The following NEUROG2 variants were observed in gnomAD, a reference collection of about 807,000 sequenced individuals.
The protein encoded by NEUROG2 is neurogenin 2.
A neutral mutation model predicts 2.8 loss-of-function variants in NEUROG2; 1 was observed. The observed-to-expected ratio is 0.36, with a 90% CI of 0.13 to 1.71. The LOEUF is 1.71. Among genes scored for constraint, NEUROG2 ranks in the 40% most tolerant of loss-of-function variants. The pLI, the probability that NEUROG2 is intolerant of heterozygous loss-of-function variation, is 0.34. For missense variants in NEUROG2, 397 were observed against 392.7 expected (o/e 1.01, Z -0.09); for synonymous variants, 211 against 187.7 (o/e 1.12, Z -1.01).
In NEUROG2 at chr4:112,513,610, A is replaced by G. The variant is rs1736358700; in HGVS notation, c.*1047T>C. The G allele has an allele frequency of 6.5e-6, 1 of 152,678 alleles. No individual in the cohort carries two copies. The highest frequency in any genetic ancestry group is 2.4e-5 in the African/African-American group (1 of 41,466). The allele number at this position is 152,678 out of a possible 1,614,324, so 9.5% of individuals were successfully genotyped here. ...TACATACTAGAATAAACTCTGTAGA[A>G]TATACAAAAAATACATATTTTCCCA... On this transcript the variant is annotated 3_prime_UTR_variant, in exon 2 of 2. Coordinates refer to ENST00000313341, the MANE Select transcript of NEUROG2 (RefSeq NM_024019.4).
In NEUROG2 at chr4:112,515,311, G is replaced by T; in HGVS notation, c.165C>A (p.Arg55=). Residue 55 remains arginine (R), a synonymous_variant, in exon 2 of 2, where the codon CGC becomes CGA. Transcript: ENST00000313341. ...PGASGGARRQ[R]GAEAGQGARG... is the part of the protein sequence containing the mutation. ...GCGCCCCCTGCCCGGCCTCAGCCCC[G>T]CGCTGCCGACGCGCCCCGCCTGACG... is the stretch of plus-strand genomic sequence containing the variant. The T allele has an allele frequency of 4.2e-6, 6 of 1,412,856 alleles. No homozygotes were observed. The highest frequency in any genetic ancestry group is 5.5e-6 in the Non-Finnish European group (6 of 1,091,642). 87.5% of individuals were successfully genotyped at this position (1,412,856 alleles called of 1,614,324 possible).
chr4:112,514,389 G>A lies in NEUROG2; in HGVS notation c.*268C>T. The A allele has an allele frequency of 2.7e-6, 1 of 376,560 alleles. No homozygotes were observed. The highest frequency in any genetic ancestry group is 4.7e-6 in the Non-Finnish European group (1 of 213,266). The allele number at this position is 376,560 out of a possible 1,614,324, so 23.3% of individuals were successfully genotyped here. The stretch of plus-strand genomic sequence containing the variant: ...ATCATCTCTTCCCAGGGTCTTTTTC[G>A]TCTCAAGAAGCGCCCCCAAAACGCC... On this transcript the variant is annotated 3_prime_UTR_variant, in exon 2 of 2. Coordinates refer to ENST00000313341, the MANE Select transcript of NEUROG2 (RefSeq NM_024019.4).
Position 112,514,880 on chromosome 4 carries a change from G to A in NEUROG2, c.596C>T (p.Ala199Val). ...AVLLSPGGASAALSSSGDSPS... is the reference protein window; with the variant it reads ...AVLLSPGGASVALSSSGDSPS... ...GCTGTCTCCGCTGCTGCTCAGGGCG[G>A]CGCTGGCTCCTCCCGGGCTCAGCAA... The change falls in exon 2 of 2, where the codon GCC becomes GTC. Residue 199 changes from alanine (A) to valine (V), a missense_variant. Ala to Val is a moderately conservative substitution (Grantham distance 64). Transcript: ENST00000313341. The A allele has an allele frequency of 5.6e-6, 9 of 1,601,500 alleles. No homozygotes were observed. The highest frequency in any genetic ancestry group is 7.7e-6 in the Non-Finnish European group (9 of 1,175,990).
chr4:112,514,679 G>T lies in NEUROG2; in HGVS notation c.797C>A (p.Pro266His), dbSNP rs755271672. The T allele has an allele frequency of 1.2e-5, 18 of 1,509,506 alleles. No individual in the cohort carries two copies. The highest frequency in any genetic ancestry group is 2.3e-5 in the Admixed American group (1 of 43,296). The allele number at this position is 1,509,506 out of a possible 1,614,324, so 93.5% of individuals were successfully genotyped here. The change falls in exon 2 of 2, where the codon CCC becomes CAC. Residue 266 changes from proline (P) to histidine (H), a missense_variant. Transcript: ENST00000313341. ...GCTCTAGATACAATCCCTGGCTATG[G>T]GGAGGTGAGGTGCATAGCGGTGCTT... ...PDKHRYAPHL[P>H]IARDCI
Position 112,514,800 on chromosome 4 carries a change from CGGA to C in NEUROG2, c.673_675del (p.Ser225del), listed in dbSNP as rs757359761. On this transcript the variant is annotated inframe_deletion, in exon 2 of 2. Transcript: ENST00000313341. The stretch of plus-strand genomic sequence containing the variant: ...TAGGGGGAGGTGGAATTGGAGGACA[CGGA>C]GGAGGACGGCGCGGGGCTGTTGGTG... The C allele has an allele frequency of 2.6e-6, 4 of 1,560,480 alleles. No homozygotes were observed. Among genetic ancestry groups the C allele is most frequent in the Non-Finnish European group, 3.5e-6 (4 of 1,159,116 alleles).
chr4:112,515,181 C>T lies in NEUROG2; in HGVS notation c.295G>A (p.Gly99Ser), dbSNP rs1243471489. 1.2e-6 allele frequency: 2 copies of T among 1,612,384 alleles called. No individual in the cohort carries two copies. Among genetic ancestry groups the T allele is most frequent in the African/African-American group, 1.3e-5 (1 of 74,914 alleles). The change falls in exon 2 of 2, where the codon GGC becomes AGC. Residue 99 changes from glycine (G) to serine (S), a missense_variant. By Grantham distance (56) the Gly-to-Ser change is moderately conservative. Transcript: ENST00000313341. ...RPSRARAVSR[G>S]AKTAETVQRI... Reference sequence around the variant, plus strand: ...TGCACCGTCTCGGCCGTCTTGGCGCCTCGGGAGACGGCCCGCGCCCGGGAA... The same window carrying T: ...TGCACCGTCTCGGCCGTCTTGGCGCTTCGGGAGACGGCCCGCGCCCGGGAA...
Position 112,513,660 on chromosome 4 carries a change from G to GTTTTC in NEUROG2, c.*996_*997insGAAAA. ...ATGAAAAATTTCTTTATAATAAATAGAAGGGAACACGTGTGTGGCTGATCC... is the reference window on the plus strand; with the variant it reads ...ATGAAAAATTTCTTTATAATAAATAGTTTTCAAGGGAACACGTGTGTGGCTGATCC... On this transcript the variant is annotated 3_prime_UTR_variant, in exon 2 of 2. Transcript: ENST00000313341. The GTTTTC allele has an allele frequency of 6.6e-6, 1 of 152,538 alleles. No homozygotes were observed. Among genetic ancestry groups the GTTTTC allele is most frequent in the Admixed American group, 6.6e-5 (1 of 15,264 alleles). The allele number at this position is 152,538 out of a possible 1,614,324, so 9.4% of individuals were successfully genotyped here.
chr4:112,515,566 CGCACCCGA>C (rs1736422812), intron 1 of NEUROG2, 90 bp from the exon 2 acceptor site: 2 of 1,183,440 alleles, frequency 1.7e-6, no homozygotes, highest in Non-Finnish European at 2.3e-6. Context: ...TGCTCCGGCG[CGCACCCGA>C]GAAGACCAGC....
Position 112,515,071 on chromosome 4 carries a change from C to T in NEUROG2, c.405G>A (p.Leu135=), listed in dbSNP as rs371143539. The T allele has an allele frequency of 4.8e-5, 77 of 1,614,034 alleles. No individual in the cohort carries two copies. The African/African-American group carries it at 9.3e-4, about 20-fold the overall frequency. ...MHNLNAALDA[L]REVLPTFPED... The stretch of plus-strand genomic sequence containing the variant: ...CGGGGAACGTGGGGAGCACCTCGCG[C>T]AGCGCGTCCAGTGCCGCGTTGAGGT... The change falls in exon 2 of 2, where the codon CTG becomes CTA. Residue 135 remains leucine, a synonymous_variant. Coordinates refer to ENST00000313341, the MANE Select transcript of NEUROG2 (RefSeq NM_024019.4).
Position 112,515,075 on chromosome 4 carries a change from G to T in NEUROG2, c.401C>A (p.Ala134Glu), listed in dbSNP as rs1400053946. 2.9e-5 allele frequency: 46 copies of T among 1,614,022 alleles called. No homozygotes were observed. In the East Asian group the frequency reaches 1.0e-3, roughly 35 times the overall value. Residue 134 changes from alanine to glutamate, a missense_variant, in exon 2 of 2, where the codon GCG (alanine) becomes GAG (glutamate). Coordinates refer to ENST00000313341, the MANE Select transcript of NEUROG2 (RefSeq NM_024019.4). ...GAACGTGGGGAGCACCTCGCGCAGC[G>T]CGTCCAGTGCCGCGTTGAGGTTGTG... Reference protein sequence around the residue: ...RMHNLNAALDALREVLPTFPE... With the variant: ...RMHNLNAALDELREVLPTFPE...
intron 1 of NEUROG2, 97 bp from the exon 2 acceptor site, chr4:112,515,573 G>A: frequency 1.9e-6 from 2 of 1,053,820 alleles, no homozygotes; most frequent in East Asian, 3.0e-5. Flanking sequence ...GCGCGCACCC[G>A]AGAAGACCAG....
Position 112,515,412 on chromosome 4 carries a change from A to T in NEUROG2, c.64T>A (p.Ser22Thr), listed in dbSNP as rs1736415505. 6.6e-7 allele frequency: 1 copy of T among 1,526,316 alleles called. No homozygotes were observed. Among genetic ancestry groups the T allele is most frequent in the Non-Finnish European group, 8.7e-7 (1 of 1,148,214 alleles). 94.5% of individuals were successfully genotyped at this position (1,526,316 alleles called of 1,614,324 possible). Residue 22 changes from serine to threonine, a missense_variant, in exon 2 of 2, where the codon TCG becomes ACG. Coordinates refer to ENST00000313341, the MANE Select transcript of NEUROG2 (RefSeq NM_024019.4). ...EEEDVLVLLGSASPALAALTP... is the reference protein window; with the variant it reads ...EEEDVLVLLGTASPALAALTP... ...AGGGCCGCCAAGGCGGGGGAGGCCGATCCGAGCAGCACTAACACGTCCTCT... is the reference window on the plus strand; with the variant it reads ...AGGGCCGCCAAGGCGGGGGAGGCCGTTCCGAGCAGCACTAACACGTCCTCT...
At chr4:112,515,518 G>A (rs897704010) in intron 1 of NEUROG2, 42 bp from the exon 2 acceptor site, 2 of 1,467,434 alleles carry the variant, frequency 1.4e-6, no homozygotes, top group Non-Finnish European at 1.8e-6. Flanking sequence ...GAGGTGTAAG[G>A]AAAGAAACAG....
In NEUROG2 at chr4:112,515,062, C is replaced by A; in HGVS notation, c.414G>T (p.Val138=). The change falls in exon 2 of 2, where the codon GTG becomes GTT. Residue 138 remains valine (V), a synonymous_variant. Transcript: ENST00000313341. ...LNAALDALRE[V]LPTFPEDAKL... ...TGGCGTCCTCGGGGAACGTGGGGAG[C>A]ACCTCGCGCAGCGCGTCCAGTGCCG... 6.2e-7 allele frequency: 1 copy of A among 1,614,018 alleles called. No homozygotes were observed. Among genetic ancestry groups the A allele is most frequent in the East Asian group, 2.2e-5 (1 of 44,872 alleles).
At chr4:112,515,570 C>G in intron 1 of NEUROG2, 94 bp from the exon 2 acceptor site, 2 of 1,072,560 alleles carry the variant, frequency 1.9e-6, no homozygotes, top group South Asian at 4.0e-5. Flanking sequence ...CCGGCGCGCA[C>G]CCGAGAAGAC....
At position 112,515,361 on chromosome 4, in the gene NEUROG2, C is replaced by T; in HGVS notation, c.115G>A (p.Glu39Lys). 1 of 1,495,812 alleles carries T rather than the reference C, an allele frequency of 6.7e-7. No individual in the cohort carries two copies. Among genetic ancestry groups the T allele is most frequent in the Non-Finnish European group, 8.9e-7 (1 of 1,128,696 alleles). 92.7% of individuals were successfully genotyped at this position (1,495,812 alleles called of 1,614,324 possible). A position where few individuals can be genotyped will look rare whatever the true frequency, so the allele number is the denominator to read the frequency against. ...GCGCCCGGCTCCTCCTCCTCTTCTT[C>T]GTCGGCGCTGGATGACAGCGGGGTC... ...ALTPLSSSAD[E>K]EEEEEPGASG... Residue 39 changes from glutamate (E) to lysine (K), a missense_variant, in exon 2 of 2, where the codon GAA becomes AAA. Physicochemically the swap from Glu to Lys is moderately conservative, Grantham distance 56. Transcript: ENST00000313341.
At position 112,515,188 on chromosome 4, in the gene NEUROG2, G is replaced by A. The variant is rs1241072023; in HGVS notation, c.288C>T (p.Val96=). The A allele has an allele frequency of 6.8e-6, 11 of 1,611,632 alleles. No homozygotes were observed. The South Asian group carries it at 7.7e-5, about 11-fold the overall frequency. The change falls in exon 2 of 2, where the codon GTC becomes GTT. Residue 96 remains valine (V), a synonymous_variant. Transcript: ENST00000313341. Reference sequence around the variant, plus strand: ...TCTCGGCCGTCTTGGCGCCTCGGGAGACGGCCCGCGCCCGGGAAGGGCGCC... The same window carrying A: ...TCTCGGCCGTCTTGGCGCCTCGGGAAACGGCCCGCGCCCGGGAAGGGCGCC... ...CKRRPSRARA[V]SRGAKTAETV...
chr4:112,515,323 C>CT lies in NEUROG2; in HGVS notation c.152_153insA (p.Arg52AlafsTer7). 7.1e-7 allele frequency: 1 copy of CT among 1,417,166 alleles called. No individual in the cohort carries two copies. Among genetic ancestry groups the CT allele is most frequent in the Non-Finnish European group, 9.2e-7 (1 of 1,090,874 alleles). 87.8% of individuals were successfully genotyped at this position (1,417,166 alleles called of 1,614,324 possible). A position where few individuals can be genotyped will look rare whatever the true frequency, so the allele number is the denominator to read the frequency against. ...CGGCCTCAGCCCCGCGCTGCCGACG[C>CT]GCCCCGCCTGACGCGCCCGGCTCCT... On this transcript the variant is annotated frameshift_variant, in exon 2 of 2. Transcript: ENST00000313341. LOFTEE classifies it low-confidence loss of function (END_TRUNC).
In NEUROG2 at chr4:112,514,876, G is replaced by A; in HGVS notation, c.600C>T (p.Ala200=). 2.5e-6 allele frequency: 4 copies of A among 1,600,580 alleles called. No homozygotes were observed. Among genetic ancestry groups the A allele is most frequent in the Non-Finnish European group, 3.4e-6 (4 of 1,175,668 alleles). ...AGGGGCTGTCTCCGCTGCTGCTCAG[G>A]GCGGCGCTGGCTCCTCCCGGGCTCA... is the stretch of plus-strand genomic sequence containing the variant. The part of the protein sequence containing the change: ...VLLSPGGASA[A]LSSSGDSPSP... Residue 200 remains alanine, a synonymous_variant, in exon 2 of 2, where the codon GCC becomes GCT. Coordinates refer to ENST00000313341, the MANE Select transcript of NEUROG2 (RefSeq NM_024019.4).
Sources: gnomAD v4.1 joint callset for allele counts on GRCh38, gnomAD v4.1.1 for gene constraint, MANE v1.5 for transcripts, NCBI Gene and HGNC (gene_info 2026-07-23, HGNC 2026-07-21) for gene names.